Variants in SULT1E1 observed in about 807,000 individuals in gnomAD.
SULT1E1 encodes sulfotransferase family 1E member 1.
SULT1E1 carries 36 observed loss-of-function variants against 33.6 expected under a neutral mutation model. That is an observed-to-expected ratio of 1.07 (90% CI 0.82 to 1.41). The LOEUF is 1.41. Ranked by LOEUF, SULT1E1 falls within the 40% of genes most tolerant of loss-of-function variation. The pLI is 0.00. For missense variants in SULT1E1, 371 were observed against 345.7 expected (o/e 1.07, Z -0.58); for synonymous variants, 121 against 111.7 (o/e 1.08, Z -0.53).
At chr4:69,826,314 C>A in the SULT1E1 span, among the ~76,000 whole-genome samples, 4 of 152,206 alleles carry the variant, frequency 2.6e-5, no homozygotes, top group Admixed American at 1.3e-4. Flanking sequence ...GTAAGGGCCA[C>A]TAAATCTGAT....
rs1721244730 is a variant in SULT1E1, at chr4:69,856,714, C to T, written c.145+786G>A. ...CTTTGGGAGGCCGAGGCGGGTGGAT[C>T]ACGAGGTCAGGAGATCGAGACCATC... On this transcript the variant is annotated intron_variant, in intron 2 of 7. Coordinates refer to ENST00000226444, the MANE Select transcript of SULT1E1 (RefSeq NM_005420.3). 4.6e-5 allele frequency among the ~76,000 whole-genome samples: 7 copies of T among 151,904 alleles called. No homozygotes were observed. The South Asian group carries it at 1.5e-3, about 32-fold the overall frequency.
chr4:69,821,249 CG>C, the SULT1E1 span, among the ~76,000 whole-genome samples: 1 of 152,110 alleles, frequency 6.6e-6, no homozygotes, highest in Non-Finnish European at 1.5e-5. Flanking sequence ...AACTATCCTA[CG>C]TTTTTCACAC....
chr4:69,837,709 A>G (rs574867925), downstream of SULT1E1, among the ~76,000 whole-genome samples: 15 of 152,280 alleles, frequency 9.9e-5, no homozygotes, highest in African/African-American at 3.6e-4. Context: ...TTATACGTAA[A>G]TAGTAGAGAT....
At chr4:69,829,932 T>G in the SULT1E1 span, among the ~76,000 whole-genome samples, 8 of 152,284 alleles carry the variant, frequency 5.3e-5, no homozygotes, top group Non-Finnish European at 7.3e-5. Flanking sequence ...TCTGTCCTAG[T>G]CCTCATATCC....
the SULT1E1 span, among the ~76,000 whole-genome samples, chr4:69,824,655 TCTGTGTC>T: frequency 1.3e-5 from 2 of 152,246 alleles, no homozygotes; most frequent in South Asian, 4.1e-4. Context: ...CAATCAGCAC[TCTGTGTC>T]TAGCTAAAGG....
At position 69,841,727 on chromosome 4, in the gene SULT1E1, G is replaced by A. The variant is rs1720889269; in HGVS notation, c.*267C>T. ...ATGGTTGCACATGTCTGTAGTCCTA[G>A]CTACTTGGGAGGCTGAGATGGGAGG... On this transcript the variant is annotated 3_prime_UTR_variant, in exon 8 of 8. Coordinates refer to ENST00000226444, the MANE Select transcript of SULT1E1 (RefSeq NM_005420.3). 4 of 272,636 alleles carry A rather than the reference G, an allele frequency of 1.5e-5. No homozygotes were observed. The highest frequency in any genetic ancestry group is 1.2e-3 in the Middle Eastern group (1 of 852). 16.9% of individuals were successfully genotyped at this position (272,636 alleles called of 1,614,324 possible).
chr4:69,855,401 CA>C lies in SULT1E1; in HGVS notation c.170del (p.Val57GlyfsTer3), dbSNP rs1560557888. On this transcript the variant is annotated frameshift_variant, in exon 3 of 8. Transcript: ENST00000226444. LOFTEE classifies it high-confidence loss of function. ...CATCACCCTCTTTATAGATCATATA[CA>C]CAATTTCACTAACCCAGGTTGTACC... ...KSGTTWVSEI[V>X]YMIYKEGDVE... The C allele has an allele frequency of 6.2e-7, 1 of 1,611,976 alleles. No homozygotes were observed. The highest frequency in any genetic ancestry group is 2.2e-5 in the East Asian group (1 of 44,766).
intron 5 of SULT1E1, among the ~76,000 whole-genome samples, chr4:69,848,087 GGTGT>G (rs3077575): frequency 0.2 from 29,120 of 148,066 alleles, 2,859 homozygotes; most frequent in African/African-American, 0.21. Flanking sequence ...TGTTGAAACT[GGTGT>G]GTGTGTGTGT....
In SULT1E1 at chr4:69,847,712, C is replaced by T. The variant is rs769456468; in HGVS notation, c.577G>A (p.Glu193Lys). The T allele has an allele frequency of 8.1e-6, 13 of 1,601,908 alleles. No individual in the cohort carries two copies. Among genetic ancestry groups the T allele is most frequent in the East Asian group, 2.3e-5 (1 of 44,270 alleles). ...CAGTTCCTCACCTCTTTCAGGTCTT[C>T]GTAGAAAAGAAATAGTACACGTGGA... ...KSPRVLFLFYEDLKEDIRKEV... is the reference protein window; with the variant it reads ...KSPRVLFLFYKDLKEDIRKEV... Residue 193 changes from glutamate to lysine, a missense_variant, in exon 6 of 8, where the codon GAA (glutamate) becomes AAA (lysine). Physicochemically the swap from Glu to Lys is moderately conservative, Grantham distance 56. Transcript: ENST00000226444.
At chr4:69,854,879 A>G (rs947030336) in intron 3 of SULT1E1, among the ~76,000 whole-genome samples, 1 of 152,092 alleles carries the variant, frequency 6.6e-6, no homozygotes, top group Admixed American at 6.5e-5. Context: ...TAGTGTTATT[A>G]CACAACCTTT....
At chr4:69,854,587 A>G (rs900267945) in intron 3 of SULT1E1, among the ~76,000 whole-genome samples, 1 of 152,006 alleles carries the variant, frequency 6.6e-6, no homozygotes, top group Admixed American at 6.6e-5. Flanking sequence ...AAAAGATTCT[A>G]TATTGTGTTC....
intron 2 of SULT1E1, among the ~76,000 whole-genome samples, chr4:69,856,508 T>A (rs1209785170): frequency 6.6e-6 from 1 of 152,144 alleles, no homozygotes; most frequent in Non-Finnish European, 1.5e-5. Context: ...TTTTGACTGA[T>A]TACAAATGCC....
At chr4:69,843,941 T>C (rs1354494768) in intron 7 of SULT1E1, among the ~76,000 whole-genome samples, 1 of 152,206 alleles carries the variant, frequency 6.6e-6, no homozygotes, top group African/African-American at 2.4e-5. Context: ...TTGAGGAGTC[T>C]GCTAGTTATT....
downstream of SULT1E1, among the ~76,000 whole-genome samples, chr4:69,840,737 CT>C (rs1720864182): frequency 6.6e-6 from 1 of 152,084 alleles, no homozygotes; most frequent in Non-Finnish European, 1.5e-5. Flanking sequence ...TTAAAATTAA[CT>C]CATTTTGTTG....
downstream of SULT1E1, among the ~76,000 whole-genome samples, chr4:69,839,516 C>T (rs1578100023): frequency 6.6e-6 from 1 of 152,156 alleles, no homozygotes; most frequent in Non-Finnish European, 1.5e-5. Context: ...CAAATGATAA[C>T]ACATGGTATT....
At chr4:69,839,202 T>C (rs1419042601), downstream of SULT1E1, among the ~76,000 whole-genome samples, 2 of 152,216 alleles carry the variant, frequency 1.3e-5, no homozygotes, top group South Asian at 2.1e-4. Context: ...CAACATAAAC[T>C]GGGATTTACA....
At chr4:69,821,922 T>C in the SULT1E1 span, among the ~76,000 whole-genome samples, 1 of 152,196 alleles carries the variant, frequency 6.6e-6, no homozygotes, top group Non-Finnish European at 1.5e-5. Flanking sequence ...TCAACAGATA[T>C]TATAACTGAC....
chr4:69,851,503 G>A (rs984547895), intron 4 of SULT1E1, among the ~76,000 whole-genome samples: 8 of 152,108 alleles, frequency 5.3e-5, no homozygotes, highest in African/African-American at 1.9e-4. Context: ...TGGAGAAATA[G>A]GAACACTTTT....
chr4:69,848,488 C>A (rs1316471717), intron 5 of SULT1E1, among the ~76,000 whole-genome samples: 5 of 151,850 alleles, frequency 3.3e-5, no homozygotes, highest in Non-Finnish European at 1.5e-5. Context: ...TCATTGTATG[C>A]CTCCTCTGTT....
Sources: gnomAD v4.1 joint callset for allele counts (sites outside exome capture counted in the v4.1 genomes callset) on GRCh38, gnomAD v4.1.1 for gene constraint, MANE v1.5 for transcripts, NCBI Gene and HGNC (gene_info 2026-07-23, HGNC 2026-07-21) for gene names.